CDH13: variants seen among roughly 807,000 people sequenced by gnomAD.
CDH13 encodes the protein cadherin-13.
Under a neutral mutation model 63.8 loss-of-function variants are expected in CDH13, and 24 were observed. The observed-to-expected ratio is 0.38, with a 90% confidence interval of 0.27 to 0.53. The LOEUF is 0.53. Among genes scored for constraint, CDH13 ranks in the 20% least tolerant of loss-of-function variants. CDH13 has a pLI of 0.85. For synonymous variants in CDH13, 503 were observed against 355.3 expected, an observed-to-expected ratio of 1.42 and a Z score of -4.67; for missense variants, 1,049 against 903.1, an observed-to-expected ratio of 1.16 and a Z score of -2.07.
chr16:82,944,029 C>A (rs1904421158), intron 2 of CDH13, among the ~76,000 whole-genome samples: 1 of 152,134 alleles, frequency 6.6e-6, no homozygotes. Context: ...TCAGCTGAGT[C>A]CCCTTGAGAT....
At chr16:82,627,351 T>C (rs922071408) in intron 1 of CDH13, among the ~76,000 whole-genome samples, 20 of 150,784 alleles carry the variant, frequency 1.3e-4, no homozygotes, top group Non-Finnish European at 1.2e-4. Context: ...TGTGTGTGTG[T>C]GTGTGTGTGT....
At chr16:83,676,971 C>A (rs1915005747) in intron 9 of CDH13, among the ~76,000 whole-genome samples, 1 of 152,196 alleles carries the variant, frequency 6.6e-6, no homozygotes. Context: ...TTGTTGCTTA[C>A]TTTTAGTTGA....
At chr16:83,362,748 C>T (rs1476348809) in intron 6 of CDH13, among the ~76,000 whole-genome samples, 1 of 152,166 alleles carries the variant, frequency 6.6e-6, no homozygotes, top group Non-Finnish European at 1.5e-5. Context: ...CTTAGTATGC[C>T]TGCTTTTCCT....
chr16:83,595,716 A>G (rs1035558861), intron 7 of CDH13, among the ~76,000 whole-genome samples: 22 of 152,218 alleles, frequency 1.4e-4, no homozygotes, highest in African/African-American at 5.1e-4. Flanking sequence ...ACTGACCGCA[A>G]TCAGCCACAC....
intron 1 of CDH13, among the ~76,000 whole-genome samples, chr16:82,751,748 C>T (rs912113875): frequency 2.0e-5 from 3 of 151,286 alleles, no homozygotes; most frequent in South Asian, 2.1e-4. Flanking sequence ...GACAAGAGAT[C>T]GCACGTTTTC....
intron 7 of CDH13, among the ~76,000 whole-genome samples, chr16:83,505,930 C>T (rs1057295114): frequency 6.6e-6 from 1 of 152,322 alleles, no homozygotes; most frequent in African/African-American, 2.4e-5. Context: ...CTTCAACATT[C>T]CATAACGTGG....
rs184379634 is a variant in CDH13 at position 82,853,476 on chromosome 16, A to C, written c.46-4886A>C. On this transcript the variant is annotated intron_variant, in intron 1 of 13. Coordinates refer to ENST00000567109, the MANE Select transcript of CDH13 (RefSeq NM_001257.5). ...CAGGAACTACTTAAGGCTCTTTACA[A>C]TAATTAACTCACTTAATCCTCATAA... Among the ~76,000 whole-genome samples the C allele has an allele frequency of 1.3e-3, 192 of 152,322 alleles. 2 individuals are homozygous for C. In the Middle Eastern group the frequency reaches 0.014, roughly 11 times the overall value.
intron 1 of CDH13, among the ~76,000 whole-genome samples, chr16:82,684,653 A>G (rs539451035): frequency 1.9e-4 from 29 of 152,004 alleles, no homozygotes; most frequent in Non-Finnish European, 3.4e-4. Context: ...TGGAGTCTCT[A>G]CTGGTTCCAT....
chr16:82,743,024 T>TA (rs1321257261), intron 1 of CDH13, among the ~76,000 whole-genome samples: 2 of 152,264 alleles, frequency 1.3e-5, no homozygotes, highest in Non-Finnish European at 2.9e-5. Context: ...ATTTTTATTA[T>TA]AAAATATTGA....
intron 1 of CDH13, among the ~76,000 whole-genome samples, chr16:82,795,781 A>G (rs1395331017): frequency 6.6e-6 from 1 of 151,856 alleles, no homozygotes; most frequent in Non-Finnish European, 1.5e-5. Context: ...TGGTGCAGTG[A>G]CCCTTCTTTG....
At chr16:83,210,853 A>T (rs538490540) in intron 4 of CDH13, among the ~76,000 whole-genome samples, 1 of 151,890 alleles carries the variant, frequency 6.6e-6, no homozygotes, top group African/African-American at 2.4e-5. Flanking sequence ...TTAAAAAAAA[A>T]AAAAGGTTAC....
At chr16:83,504,807 A>T (rs191593676) in intron 7 of CDH13, among the ~76,000 whole-genome samples, 3 of 152,196 alleles carry the variant, frequency 2.0e-5, no homozygotes, top group East Asian at 1.9e-4. Flanking sequence ...TTAAAAAATA[A>T]CATTTGTTTA....
chr16:83,364,912 G>T (rs1318692896), intron 6 of CDH13, among the ~76,000 whole-genome samples: 1 of 152,114 alleles, frequency 6.6e-6, no homozygotes, highest in Non-Finnish European at 1.5e-5. Context: ...CTTTCAAGGG[G>T]TAGGTAAGCG....
chr16:83,374,249 T>C (rs1259943157), intron 6 of CDH13, among the ~76,000 whole-genome samples: 2 of 152,190 alleles, frequency 1.3e-5, no homozygotes, highest in Non-Finnish European at 2.9e-5. Context: ...TATTTCAATA[T>C]ACCTCCATTT....
At chr16:82,949,497 G>T (rs1281107493) in intron 2 of CDH13, among the ~76,000 whole-genome samples, 2 of 152,110 alleles carry the variant, frequency 1.3e-5, no homozygotes, top group Non-Finnish European at 2.9e-5. Context: ...CTTTTAGGGG[G>T]ACACAATTCA....
At chr16:83,587,468 G>C in intron 7 of CDH13, among the ~76,000 whole-genome samples, 1 of 152,168 alleles carries the variant, frequency 6.6e-6, no homozygotes, top group East Asian at 1.9e-4. Context: ...TTTTCTGGAC[G>C]TTTTGACCAG....
intron 6 of CDH13, among the ~76,000 whole-genome samples, chr16:83,435,232 C>T (rs943038535): frequency 6.6e-6 from 1 of 151,874 alleles, no homozygotes; most frequent in Non-Finnish European, 1.5e-5. Flanking sequence ...TTAGCAGAAA[C>T]GGGGTTTCGC....
chr16:82,665,505 A>T (rs569870856), intron 1 of CDH13, among the ~76,000 whole-genome samples: 1 of 152,296 alleles, frequency 6.6e-6, no homozygotes, highest in South Asian at 2.1e-4. Flanking sequence ...ATTCATGGTG[A>T]CTTCATAGAA....
chr16:83,490,733 C>T (rs1420695534), intron 7 of CDH13, among the ~76,000 whole-genome samples: 2 of 152,316 alleles, frequency 1.3e-5, no homozygotes, highest in East Asian at 1.9e-4. Context: ...AGGAAGACAG[C>T]GTGATTCACA....
Sources: gnomAD v4.1 joint callset for allele counts (sites outside exome capture counted in the v4.1 genomes callset) on GRCh38, gnomAD v4.1.1 for gene constraint, MANE v1.5 for transcripts, NCBI Gene and HGNC (gene_info 2026-07-23, HGNC 2026-07-21) for gene names.